SOX6: variants seen among roughly 807,000 people sequenced by gnomAD.
SOX6 encodes the protein SRY-box transcription factor 6, also known as transcription factor SOX-6.
Under a neutral mutation model 97.8 loss-of-function variants are expected in SOX6, and 11 were observed. The ratio of observed to expected loss-of-function variants is 0.11; its 90% CI spans 0.07 to 0.19. The LOEUF (loss-of-function observed/expected upper bound fraction) is 0.19, where lower values mean the gene tolerates loss of function less well. SOX6 is among the 10% of genes least tolerant of loss of function. SOX6 has a pLI of 1.00. For synonymous variants in SOX6, 360 were observed against 371.4 expected, an observed-to-expected ratio of 0.97 and a Z score of 0.35; for missense variants, 810 against 1,039.5, an observed-to-expected ratio of 0.78 and a Z score of 3.04.
At chr11:16,004,340 C>T (rs2133849075) in intron 13 of SOX6, among the ~76,000 whole-genome samples, 1 of 152,142 alleles carries the variant, frequency 6.6e-6, no homozygotes, top group South Asian at 2.1e-4. Flanking sequence ...GAATGAATTT[C>T]TTCAATGGTC....
At chr11:16,134,026 G>T (rs1033133374) in intron 6 of SOX6, among the ~76,000 whole-genome samples, 2 of 152,208 alleles carry the variant, frequency 1.3e-5, no homozygotes, top group Non-Finnish European at 2.9e-5. Context: ...CATTGGTGAT[G>T]ATAATAATGA....
intron 3 of SOX6, among the ~76,000 whole-genome samples, chr11:16,257,443 C>T (rs894783316): frequency 2.0e-5 from 3 of 151,824 alleles, no homozygotes; most frequent in African/African-American, 7.2e-5. Flanking sequence ...AAAGCAAAGG[C>T]AATCTAAAGG....
At chr11:16,736,440 ACT>A (rs1055532020) in exon 2 of SOX6, 1 of 152,232 alleles carries the variant, frequency 6.6e-6, no homozygotes, top group African/African-American at 2.4e-5. Flanking sequence ...TTTCACAGTA[ACT>A]TGAAGATTTA....
intron 1 of SOX6, among the ~76,000 whole-genome samples, chr11:16,442,258 T>C (rs1359815316): frequency 1.3e-5 from 2 of 152,146 alleles, no homozygotes; most frequent in Non-Finnish European, 2.9e-5. Context: ...CCCAAGCAAT[T>C]TCAAGTTGAA....
chr11:16,076,917 C>G (rs977892273), intron 9 of SOX6, among the ~76,000 whole-genome samples: 3 of 151,402 alleles, frequency 2.0e-5, no homozygotes, highest in Non-Finnish European at 4.4e-5. Flanking sequence ...CCGCGCCCGG[C>G]TAATTTTTTG....
intron 4 of SOX6, among the ~76,000 whole-genome samples, chr11:16,599,174 A>T (rs1387996786): frequency 2.6e-5 from 4 of 152,192 alleles, no homozygotes; most frequent in African/African-American, 9.6e-5. Flanking sequence ...TCTTCAATAC[A>T]TGGTGCTTCA....
At chr11:16,066,033 C>A (rs1268235479) in intron 9 of SOX6, among the ~76,000 whole-genome samples, 1 of 152,032 alleles carries the variant, frequency 6.6e-6, no homozygotes, top group Non-Finnish European at 1.5e-5. Flanking sequence ...GGATTTATAA[C>A]TAGAATATAT....
upstream of SOX6, among the ~76,000 whole-genome samples, chr11:16,476,572 C>A (rs1860253739): frequency 6.6e-6 from 1 of 152,128 alleles, no homozygotes; most frequent in South Asian, 2.1e-4. Context: ...CATGGTTCTA[C>A]ATCTAAGAAT....
At chr11:16,621,949 T>C (rs1369978197) in intron 3 of SOX6, among the ~76,000 whole-genome samples, 1 of 152,222 alleles carries the variant, frequency 6.6e-6, no homozygotes, top group Admixed American at 6.5e-5. Flanking sequence ...TCAGGCCTGA[T>C]TTCTTTTAGG....
At chr11:16,027,457 C>G (rs1181795800) in intron 12 of SOX6, among the ~76,000 whole-genome samples, 1 of 152,144 alleles carries the variant, frequency 6.6e-6, no homozygotes, top group Non-Finnish European at 1.5e-5. Context: ...TTAGTTTTTA[C>G]TGATACCTAA....
intron 9 of SOX6, 122 bp downstream of exon 9, chr11:16,095,874 A>G: frequency 1.7e-6 from 2 of 1,175,278 alleles, no homozygotes; most frequent in East Asian, 2.4e-5. Context: ...AGAAAAAGGG[A>G]AAGATTAAGT....
intron 1 of SOX6, among the ~76,000 whole-genome samples, chr11:16,424,137 G>A (rs1318000726): frequency 6.6e-6 from 1 of 152,080 alleles, no homozygotes; most frequent in East Asian, 1.9e-4. Flanking sequence ...AATAGACAGA[G>A]GAATAAGGAG....
At chr11:16,399,388 C>A (rs1480024261) in intron 1 of SOX6, among the ~76,000 whole-genome samples, 1 of 146,522 alleles carries the variant, frequency 6.8e-6, no homozygotes, top group Non-Finnish European at 1.5e-5. Context: ...GAAACTGGGT[C>A]TCACTCTATT....
At chr11:16,684,676 C>T (rs1053586060) in intron 3 of SOX6, among the ~76,000 whole-genome samples, 1 of 147,924 alleles carries the variant, frequency 6.8e-6, no homozygotes, top group African/African-American at 2.7e-5. Context: ...CACATGTATA[C>T]CTATGTAGCA....
intron 4 of SOX6, among the ~76,000 whole-genome samples, chr11:16,210,681 A>G (rs1335039194): frequency 6.6e-6 from 1 of 152,226 alleles, no homozygotes; most frequent in East Asian, 1.9e-4. Context: ...TACTCCAAAC[A>G]GCCTTCTCTC....
At chr11:16,567,393 T>C (rs1847883622) in intron 4 of SOX6, 1 of 152,098 alleles carries the variant, frequency 6.6e-6, no homozygotes, top group Non-Finnish European at 1.5e-5. Flanking sequence ...AAAAATAAAA[T>C]ACAGTATACA....
intron 4 of SOX6, among the ~76,000 whole-genome samples, chr11:16,229,934 T>C (rs566601931): frequency 1.6e-3 from 238 of 151,830 alleles, no homozygotes; most frequent in African/African-American, 4.8e-3. Flanking sequence ...ACAAAAGTAA[T>C]ATAAACATGG....
intron 3 of SOX6, among the ~76,000 whole-genome samples, chr11:16,246,551 G>T (rs1853342229): frequency 1.3e-5 from 2 of 151,694 alleles, no homozygotes; most frequent in Non-Finnish European, 2.9e-5. Context: ...GGACCTCAAA[G>T]TATGTCATTG....
At chr11:16,637,097 A>G (rs1848801981) in intron 3 of SOX6, among the ~76,000 whole-genome samples, 1 of 152,088 alleles carries the variant, frequency 6.6e-6, no homozygotes, top group African/African-American at 2.4e-5. Context: ...TTTTGAAACA[A>G]CAAGCTTTTG....
Sources: allele counts gnomAD v4.1 joint callset (sites outside exome capture counted in the v4.1 genomes callset), GRCh38; gene constraint gnomAD v4.1.1; transcripts MANE v1.5; gene names NCBI Gene and HGNC (gene_info 2026-07-23, HGNC 2026-07-21).